Variants in TFDP2 observed in about 807,000 individuals in gnomAD.
TFDP2 encodes transcription factor Dp-2 (E2F dimerization partner 2).
A neutral mutation model predicts 59.3 loss-of-function variants in TFDP2; 17 were observed. The ratio of observed to expected loss-of-function variants is 0.29; its 90% confidence interval spans 0.20 to 0.43. The LOEUF is 0.43. Among genes scored for constraint, TFDP2 ranks in the 20% least tolerant of loss-of-function variants. The pLI, the probability that TFDP2 is intolerant of heterozygous loss-of-function variation, is 1.00. For missense variants in TFDP2, 391 were observed against 528.8 expected (o/e 0.74, Z 2.56); for synonymous variants, 180 against 194.7 (o/e 0.92, Z 0.63).
intron 1 of TFDP2, among the ~76,000 whole-genome samples, chr3:142,114,767 A>C (rs2061791264): frequency 6.6e-6 from 1 of 152,184 alleles, no homozygotes; most frequent in African/African-American, 2.4e-5. Context: ...ACAAAGAAGA[A>C]AATAAAAATT....
rs375029684 is a variant in TFDP2 at position 142,149,262 on chromosome 3, T to A, written c.-172A>T. 52 of 396,864 alleles carry A rather than the reference T, an allele frequency of 1.3e-4. No homozygotes were observed. In the South Asian group the frequency reaches 2.0e-3, roughly 16 times the overall value. The allele number at this position is 396,864 out of a possible 1,614,324, so 24.6% of individuals were successfully genotyped here. On this transcript the variant is annotated 5_prime_UTR_variant, in exon 1 of 13. Transcript: ENST00000489671. Reference sequence around the variant, plus strand: ...GAGCGCGTCTTCGGGCGCCGCCGCTTCTGTGGCGCCCGCGCTTAGGCGGCG... The same window carrying A: ...GAGCGCGTCTTCGGGCGCCGCCGCTACTGTGGCGCCCGCGCTTAGGCGGCG...
chr3:142,083,934 A>G (rs780954393), intron 3 of TFDP2, among the ~76,000 whole-genome samples: 1 of 152,348 alleles, frequency 6.6e-6, no homozygotes, highest in Non-Finnish European at 1.5e-5. Flanking sequence ...TCTCCAGGAC[A>G]TTGGTCTGGG....
chr3:141,995,256 A>G (rs563534449), intron 4 of TFDP2, 115 bp from the exon 5 acceptor site: 615 of 759,312 alleles, frequency 8.1e-4, no homozygotes, highest in Non-Finnish European at 1.0e-3. Flanking sequence ...CCTAAAAGGC[A>G]CTTAATGTCA....
At chr3:142,090,948 A>C (rs1349504068) in intron 3 of TFDP2, 1 of 151,958 alleles carries the variant, frequency 6.6e-6, no homozygotes, top group Non-Finnish European at 1.5e-5. Context: ...CATTATTCTC[A>C]TTATTGCAAT....
chr3:141,952,928 G>A lies in TFDP2; in HGVS notation c.1140C>T (p.Ala380=), dbSNP rs750721553. 5 of 1,613,958 alleles carry A rather than the reference G, an allele frequency of 3.1e-6. No homozygotes were observed. Among genetic ancestry groups the A allele is most frequent in the East Asian group, 4.5e-5 (2 of 44,880 alleles). ...ATACGTACCTTGACTGGGGTAAGGT[G>A]GCACCAGTGGTCAGGTCTAAATTTG... The part of the protein sequence containing the change: ...SVSNLDLTTG[A]TLPQSSVNQG... Residue 380 remains alanine, a synonymous_variant, in exon 12 of 13, where the codon GCC becomes GCT. Transcript: ENST00000489671.
At chr3:142,133,881 T>G (rs994559712) in intron 1 of TFDP2, among the ~76,000 whole-genome samples, 8 of 151,890 alleles carry the variant, frequency 5.3e-5, no homozygotes, top group African/African-American at 1.9e-4. Context: ...AGGAAGATTT[T>G]TCTTTTTAAG....
rs1283611239 is a variant in TFDP2, at chr3:142,121,104, G to A, written c.-92-19263C>T. On this transcript the variant is annotated intron_variant, in intron 1 of 12. Transcript: ENST00000489671. The surrounding 1 kb of genome is among the most constrained non-coding windows in gnomAD (Gnocchi z 4.3). ...CGTGTGTGTGCCAGCTTTAAGGTAT[G>A]GATATTCACCAGGGAGATTTGTGAA... 6.6e-6 allele frequency among the ~76,000 whole-genome samples: 1 copy of A among 151,996 alleles called. No homozygotes were observed. The highest frequency in any genetic ancestry group is 1.5e-5 in the Non-Finnish European group (1 of 68,020).
intron 10 of TFDP2, among the ~76,000 whole-genome samples, chr3:141,961,237 G>GTTTTT (rs1177754086): frequency 9.1e-4 from 77 of 84,678 alleles, no homozygotes; most frequent in African/African-American, 1.8e-3. Context: ...GTTTTTTGTT[G>GTTTTT]TTTTTTTTTT....
At chr3:142,087,038 C>A (rs1223980410) in intron 3 of TFDP2, among the ~76,000 whole-genome samples, 1 of 152,196 alleles carries the variant, frequency 6.6e-6, no homozygotes, top group African/African-American at 2.4e-5. Context: ...ACTCCTAGTA[C>A]TCCTATCTAC....
intron 1 of TFDP2, among the ~76,000 whole-genome samples, chr3:142,133,537 G>A (rs1350346039): frequency 6.9e-6 from 1 of 145,720 alleles, no homozygotes; most frequent in East Asian, 2.0e-4. Context: ...GTTTTTTGTT[G>A]CCCAGGCTGG....
At chr3:142,138,193 T>C (rs1325976435) in intron 1 of TFDP2, among the ~76,000 whole-genome samples, 1 of 152,202 alleles carries the variant, frequency 6.6e-6, no homozygotes, top group Non-Finnish European at 1.5e-5. Context: ...TGATGGTAGT[T>C]TGTATTTCTG....
At chr3:142,144,136 G>A (rs1162992068) in intron 1 of TFDP2, among the ~76,000 whole-genome samples, 3 of 152,184 alleles carry the variant, frequency 2.0e-5, no homozygotes, top group Non-Finnish European at 4.4e-5. Context: ...CACTTTGGGA[G>A]GCCAAGAGAG....
intron 6 of TFDP2, among the ~76,000 whole-genome samples, chr3:141,991,152 T>C (rs1576606049): frequency 1.3e-5 from 2 of 152,188 alleles, no homozygotes; most frequent in East Asian, 3.8e-4. Context: ...TTCAAAAGAA[T>C]TACACCCAAA....
At chr3:142,076,200 G>A (rs2060449715) in intron 3 of TFDP2, among the ~76,000 whole-genome samples, 1 of 127,676 alleles carries the variant, frequency 7.8e-6, no homozygotes, top group Non-Finnish European at 1.6e-5. Flanking sequence ...AACAGAGTGA[G>A]ACTCCGTCTC....
In TFDP2 at chr3:142,149,318, G is replaced by A. The variant is rs2063302271; in HGVS notation, c.-228C>T. The A allele has an allele frequency of 2.5e-6, 1 of 394,682 alleles. No individual in the cohort carries two copies. Among genetic ancestry groups the A allele is most frequent in the Non-Finnish European group, 4.5e-6 (1 of 223,776 alleles). The allele number at this position is 394,682 out of a possible 1,614,324, so 24.4% of individuals were successfully genotyped here. On this transcript the variant is annotated 5_prime_UTR_variant, in exon 1 of 13. Coordinates refer to ENST00000489671, the MANE Select transcript of TFDP2 (RefSeq NM_001178139.2). Reference sequence around the variant, plus strand: ...GTCCCGGTGGACTCACACCCGGGGAGACGCGGCCTGCCCGGTCAAGGCCCA... The same window carrying A: ...GTCCCGGTGGACTCACACCCGGGGAAACGCGGCCTGCCCGGTCAAGGCCCA...
At chr3:142,063,134 G>C (rs746770799) in intron 3 of TFDP2, among the ~76,000 whole-genome samples, 4 of 152,032 alleles carry the variant, frequency 2.6e-5, no homozygotes, top group Non-Finnish European at 5.9e-5. Flanking sequence ...AATTATAAAA[G>C]TAATATCCAG....
intron 1 of TFDP2, among the ~76,000 whole-genome samples, chr3:142,146,120 A>G (rs970925963): frequency 1.3e-5 from 2 of 152,194 alleles, no homozygotes; most frequent in African/African-American, 4.8e-5. Context: ...ATGTTTATCA[A>G]ATGCATAGAT....
intron 3 of TFDP2, among the ~76,000 whole-genome samples, chr3:142,068,130 T>C (rs1001215308): frequency 6.8e-6 from 1 of 147,312 alleles, no homozygotes; most frequent in Non-Finnish European, 1.5e-5. Context: ...ACAATAAAAA[T>C]ATGGTCAACT....
At chr3:141,985,832 C>T (rs1392898793) in intron 6 of TFDP2, among the ~76,000 whole-genome samples, 1 of 152,156 alleles carries the variant, frequency 6.6e-6, no homozygotes, top group African/African-American at 2.4e-5. Flanking sequence ...GGTCAATTCA[C>T]AGATTGGAGA....
Sources: allele counts gnomAD v4.1 joint callset (sites outside exome capture counted in the v4.1 genomes callset), GRCh38; gene constraint gnomAD v4.1.1; non-coding constraint Gnocchi (gnomAD v3.1); transcripts MANE v1.5; gene names NCBI Gene and HGNC (gene_info 2026-07-23, HGNC 2026-07-21).